Variants in GTF2IRD1 observed in about 807,000 individuals in gnomAD.
The protein encoded by GTF2IRD1 is general transcription factor II-I repeat domain-containing protein 1.
GTF2IRD1 carries 26 observed loss-of-function variants against 113.2 expected under a neutral mutation model. The observed-to-expected ratio is 0.23, with a 90% CI of 0.17 to 0.32. The LOEUF (loss-of-function observed/expected upper bound fraction) is 0.32, where lower values mean the gene tolerates loss of function less well. Among genes scored for constraint, GTF2IRD1 ranks in the 10% least tolerant of loss-of-function variants. The pLI, the probability that GTF2IRD1 is intolerant of heterozygous loss-of-function variation, is 1.00. For synonymous variants in GTF2IRD1, 484 were observed against 529.1 expected (o/e 0.91, Z 1.17); for missense variants, 864 against 1,280.8 (o/e 0.67, Z 4.97).
intron 10 of GTF2IRD1, among the ~76,000 whole-genome samples, chr7:74,535,795 T>C (rs1398646448): frequency 6.6e-6 from 1 of 152,176 alleles, no homozygotes; most frequent in Non-Finnish European, 1.5e-5. Flanking sequence ...CCTGGCACGA[T>C]GACATGAGAG....
chr7:74,582,977 A>AT (rs1801504242), intron 22 of GTF2IRD1, among the ~76,000 whole-genome samples: 1 of 148,992 alleles, frequency 6.7e-6, no homozygotes, highest in East Asian at 2.1e-4. Flanking sequence ...CCCTGTCTCT[A>AT]CCAAAAAAAA....
chr7:74,550,419 T>A (rs1562861702), intron 17 of GTF2IRD1, among the ~76,000 whole-genome samples: 1 of 131,672 alleles, frequency 7.6e-6, no homozygotes, highest in Non-Finnish European at 1.6e-5. Context: ...TGAAACCCCA[T>A]CTCTAGGGAA....
At chr7:74,582,980 A>C (rs80025830) in intron 22 of GTF2IRD1, among the ~76,000 whole-genome samples, 7 of 117,968 alleles carry the variant, frequency 5.9e-5, no homozygotes, top group Admixed American at 9.4e-5. Flanking sequence ...TGTCTCTACC[A>C]AAAAAAAAAA....
intron 1 of GTF2IRD1, among the ~76,000 whole-genome samples, chr7:74,499,638 A>C (rs1554338926): frequency 1.3e-5 from 2 of 152,086 alleles, no homozygotes; most frequent in Non-Finnish European, 2.9e-5. Flanking sequence ...GAATGCATGC[A>C]CACACCAAGG....
At chr7:74,465,528 A>G (rs1793652404) in intron 1 of GTF2IRD1, among the ~76,000 whole-genome samples, 1 of 152,150 alleles carries the variant, frequency 6.6e-6, no homozygotes, top group Non-Finnish European at 1.5e-5. Context: ...TTTCTTATAT[A>G]GTATTGCCAG....
chr7:74,518,342 C>CGGGGCTGGGCT lies in GTF2IRD1; in HGVS notation c.605+31_605+41dup, dbSNP rs781811987. 5 of 1,557,676 alleles carry CGGGGCTGGGCT rather than the reference C, an allele frequency of 3.2e-6. No homozygotes were observed. In the South Asian group the frequency reaches 5.8e-5, roughly 18 times the overall value. ...CAAGAGGTGAGTGAGGTAGCCGGCC[C>CGGGGCTGGGCT]GGGGCTGGGCTGGGGCTGGGCCAGG... On this transcript the variant is annotated intron_variant, in intron 5 of 26. Coordinates refer to ENST00000424337, the MANE Select transcript of GTF2IRD1 (RefSeq NM_005685.4).
chr7:74,545,727 T>A lies in GTF2IRD1; in HGVS notation c.1667-17T>A. On this transcript the variant is annotated splice_polypyrimidine_tract_variant and intron_variant, in intron 15 of 26. Coordinates refer to ENST00000424337, the MANE Select transcript of GTF2IRD1 (RefSeq NM_005685.4). ...CTGCCACCAACCAGCCTCAACAGAC[T>A]GCCTTTTGCCTTCCAGACAGCCACG... The A allele has an allele frequency of 1.2e-6, 2 of 1,607,248 alleles. No homozygotes were observed. Among genetic ancestry groups the A allele is most frequent in the Non-Finnish European group, 1.7e-6 (2 of 1,175,982 alleles).
At chr7:74,586,454 A>G (rs1311502666) in intron 22 of GTF2IRD1, among the ~76,000 whole-genome samples, 1 of 152,066 alleles carries the variant, frequency 6.6e-6, no homozygotes, top group Non-Finnish European at 1.5e-5. Context: ...GGAATGGCTG[A>G]TGTTTGCAGT....
chr7:74,459,590 G>A (rs1554328537), intron 1 of GTF2IRD1, among the ~76,000 whole-genome samples: 1 of 152,162 alleles, frequency 6.6e-6, no homozygotes, highest in Non-Finnish European at 1.5e-5. Context: ...CTGGGGCCTG[G>A]CTGACCCAGA....
intron 22 of GTF2IRD1, among the ~76,000 whole-genome samples, chr7:74,584,505 A>C (rs1801605313): frequency 6.6e-6 from 1 of 152,196 alleles, no homozygotes; most frequent in Admixed American, 6.6e-5. Context: ...TGTGCTCAGT[A>C]AATCTGCCTT....
intron 4 of GTF2IRD1, among the ~76,000 whole-genome samples, chr7:74,516,133 C>G (rs78208196): frequency 0.17 from 25,589 of 152,216 alleles, 2,289 homozygotes; most frequent in Middle Eastern, 0.23. Context: ...TTCACATGCC[C>G]TGGACTTCGC....
chr7:74,479,418 G>A (rs1444427661), intron 1 of GTF2IRD1, among the ~76,000 whole-genome samples: 1 of 149,446 alleles, frequency 6.7e-6, no homozygotes, highest in Non-Finnish European at 1.5e-5. Context: ...GGCCCAGGCT[G>A]GCGGTTGGGT....
intron 4 of GTF2IRD1, among the ~76,000 whole-genome samples, chr7:74,516,859 T>C (rs1644883449): frequency 6.6e-6 from 1 of 152,102 alleles, no homozygotes; most frequent in South Asian, 2.1e-4. Context: ...TGGCTCAGGG[T>C]GGGGGCTGTA....
intron 1 of GTF2IRD1, among the ~76,000 whole-genome samples, chr7:74,478,558 C>T (rs572722683): frequency 3.9e-5 from 6 of 152,210 alleles, no homozygotes; most frequent in South Asian, 2.1e-4. Flanking sequence ...TGGGCTCAAG[C>T]GATCCTCCCA....
intron 9 of GTF2IRD1, among the ~76,000 whole-genome samples, chr7:74,530,181 G>A (rs911778125): frequency 1.8e-4 from 28 of 151,432 alleles, no homozygotes; most frequent in Admixed American, 8.6e-4. Context: ...CTGCACTCCA[G>A]CCTGGGTGAC....
At chr7:74,504,384 G>A (rs1796193679) in intron 1 of GTF2IRD1, among the ~76,000 whole-genome samples, 1 of 152,194 alleles carries the variant, frequency 6.6e-6, no homozygotes, top group South Asian at 2.1e-4. Flanking sequence ...ACCATCCTAG[G>A]TGGCCTAGGA....
chr7:74,580,080 A>G (rs1801321698), intron 22 of GTF2IRD1, among the ~76,000 whole-genome samples: 1 of 152,138 alleles, frequency 6.6e-6, no homozygotes, highest in Admixed American at 6.6e-5. Flanking sequence ...CATCCATGAA[A>G]TGGAGCTGAT....
chr7:74,462,311 T>C (rs1793423821), intron 1 of GTF2IRD1, among the ~76,000 whole-genome samples: 2 of 152,190 alleles, frequency 1.3e-5, no homozygotes, highest in Admixed American at 6.6e-5. Flanking sequence ...AGAACAATCC[T>C]GTAACCCCTA....
intron 7 of GTF2IRD1, among the ~76,000 whole-genome samples, chr7:74,522,385 C>T (rs1176808682): frequency 6.6e-6 from 1 of 152,126 alleles, no homozygotes; most frequent in Admixed American, 6.5e-5. Flanking sequence ...GCCTCACCTC[C>T]AGGAAAAGGT....
Sources: allele counts gnomAD v4.1 joint callset (sites outside exome capture counted in the v4.1 genomes callset), GRCh38; gene constraint gnomAD v4.1.1; transcripts MANE v1.5; gene names NCBI Gene and HGNC (gene_info 2026-07-23, HGNC 2026-07-21).